The following NPHP1 variants were observed in gnomAD, a reference collection of about 807,000 sequenced individuals.
NPHP1 encodes the protein nephrocystin 1.
NPHP1 carries 70 observed loss-of-function variants against 90.4 expected under a neutral mutation model. The ratio of observed to expected loss-of-function variants is 0.77; its 90% CI spans 0.64 to 0.95. The LOEUF is 0.95. Ranked by LOEUF, NPHP1 falls within the 40% of genes least tolerant of loss-of-function variation. The probability of loss-of-function intolerance (pLI) is 0.00; values close to 1 mark genes in which losing one functional copy is unlikely to be tolerated. For missense variants in NPHP1, 764 were observed against 795.9 expected (o/e 0.96, Z 0.48); for synonymous variants, 256 against 271.7 (o/e 0.94, Z 0.57).
At chr2:110,190,467 T>G (rs1030329870) in intron 2 of NPHP1, among the ~76,000 whole-genome samples, 2 of 152,184 alleles carry the variant, frequency 1.3e-5, no homozygotes. Flanking sequence ...CCGGTGGGGC[T>G]GGCTGGCTGG....
In NPHP1 at chr2:110,123,625, TTTAAA is replaced by T. The variant is rs1229967017; in HGVS notation, c.*161_*165del. The T allele has an allele frequency of 7.9e-6, 5 of 636,022 alleles. No individual in the cohort carries two copies. The highest frequency in any genetic ancestry group is 5.5e-5 in the African/African-American group (3 of 54,674). The allele number at this position is 636,022 out of a possible 1,614,324, so 39.4% of individuals were successfully genotyped here. ...ATTTATTTTATGGTTTTAAAAAATA[TTTAAA>T]TTATTGTATAAACATTTCTTTAAAA... On this transcript the variant is annotated 3_prime_UTR_variant, in exon 20 of 20. Coordinates refer to ENST00000445609, the MANE Select transcript of NPHP1 (RefSeq NM_001128178.3).
At chr2:110,174,719 C>G (rs1038752534) in intron 4 of NPHP1, among the ~76,000 whole-genome samples, 1 of 151,776 alleles carries the variant, frequency 6.6e-6, no homozygotes. Context: ...CCAACTGAAG[C>G]TGAACATGGT....
At chr2:110,198,594 C>CA (rs913850183) in intron 2 of NPHP1, among the ~76,000 whole-genome samples, 3 of 151,914 alleles carry the variant, frequency 2.0e-5, no homozygotes, top group South Asian at 2.1e-4. Context: ...TCCCTAAAAA[C>CA]AAAAAAACAA....
intron 8 of NPHP1, chr2:110,163,908 G>C (rs1471982584): frequency 6.5e-6 from 1 of 154,058 alleles, no homozygotes; most frequent in African/African-American, 2.4e-5. Context: ...TGATCCACCC[G>C]CCTTGGCCTC....
intron 11 of NPHP1, among the ~76,000 whole-genome samples, chr2:110,158,384 G>C (rs145316308): frequency 2.0e-5 from 3 of 151,952 alleles, no homozygotes; most frequent in Admixed American, 2.0e-4. Flanking sequence ...ATATTACTGA[G>C]AGAGAAGTGT....
At chr2:110,185,484 G>A (rs780960884) in intron 2 of NPHP1, among the ~76,000 whole-genome samples, 7 of 152,246 alleles carry the variant, frequency 4.6e-5, no homozygotes, top group Middle Eastern at 3.4e-3. Context: ...AGGGAACTCC[G>A]TTTACTACCA....
chr2:110,176,341 C>T (rs1683505247), intron 4 of NPHP1, among the ~76,000 whole-genome samples: 1 of 151,958 alleles, frequency 6.6e-6, no homozygotes, highest in Non-Finnish European at 1.5e-5. Flanking sequence ...ACACCCATTT[C>T]CCATTTCATT....
Position 110,125,627 on chromosome 2 carries a change from CAT to C in NPHP1, c.1761+8_1761+9del. The C allele has an allele frequency of 6.2e-7, 1 of 1,610,326 alleles. No individual in the cohort carries two copies. ...AAATATGGAGTTCAGTGTGGAGACTCATATTTTACCTTCTCTGATCTTTTTAA... is the reference window on the plus strand; with the variant it reads ...AAATATGGAGTTCAGTGTGGAGACTCATTTTACCTTCTCTGATCTTTTTAA... On this transcript the variant is annotated splice_region_variant and intron_variant, in intron 19 of 19. Transcript: ENST00000445609.
chr2:110,197,438 T>C (rs549313015), intron 2 of NPHP1, among the ~76,000 whole-genome samples: 2 of 152,228 alleles, frequency 1.3e-5, no homozygotes, highest in East Asian at 1.9e-4. Flanking sequence ...ACCCTTCCTC[T>C]TTGCTGGCAG....
At chr2:110,163,373 C>T (rs1197906651) in intron 8 of NPHP1, 1 of 518,676 alleles carries the variant, frequency 1.9e-6, no homozygotes. Context: ...TGTTCCGGAG[C>T]AGCTGCTTCA....
intron 9 of NPHP1, among the ~76,000 whole-genome samples, chr2:110,162,101 T>C (rs941075319): frequency 3.3e-5 from 5 of 152,134 alleles, no homozygotes; most frequent in African/African-American, 1.2e-4. Flanking sequence ...TCATGAATAA[T>C]ACTTTTAATA....
intron 2 of NPHP1, among the ~76,000 whole-genome samples, chr2:110,183,147 C>T (rs868542234): frequency 5.9e-5 from 9 of 152,142 alleles, no homozygotes; most frequent in African/African-American, 1.7e-4. Flanking sequence ...GAAGAGACCC[C>T]GAAATCTGGC....
rs748212606 is a variant in NPHP1, at chr2:110,146,791, A to G, written c.1314T>C (p.Leu438=). ...GAACTCCACTGGCATCAAAAAGTTTAAGAAACACCCAGCCACAGCTTAACT... is the reference window on the plus strand; with the variant it reads ...GAACTCCACTGGCATCAAAAAGTTTGAGAAACACCCAGCCACAGCTTAACT... ...RGELSCGWVF[L]KLFDASGVPI... The change falls in exon 14 of 20, where the codon CTT becomes CTC. Residue 438 remains leucine, a synonymous_variant. Coordinates refer to ENST00000445609, the MANE Select transcript of NPHP1 (RefSeq NM_001128178.3). The G allele has an allele frequency of 1.9e-6, 3 of 1,613,694 alleles. No homozygotes were observed. The highest frequency in any genetic ancestry group is 3.3e-5 in the Admixed American group (2 of 60,018).
intron 1 of NPHP1, among the ~76,000 whole-genome samples, chr2:110,201,905 A>T (rs1462996862): frequency 6.6e-6 from 1 of 152,164 alleles, no homozygotes; most frequent in Non-Finnish European, 1.5e-5. Context: ...AACTACCATC[A>T]CCCTAGTAAG....
intron 17 of NPHP1, 68 bp from the exon 18 acceptor site, chr2:110,129,327 C>A: frequency 9.2e-7 from 1 of 1,090,028 alleles, no homozygotes; most frequent in Non-Finnish European, 1.4e-6. Flanking sequence ...GCAATAGACA[C>A]AAAAATATTC....
intron 4 of NPHP1, among the ~76,000 whole-genome samples, chr2:110,173,240 T>A (rs1683289273): frequency 6.6e-6 from 1 of 152,126 alleles, no homozygotes; most frequent in Non-Finnish European, 1.5e-5. Context: ...CCTGGCCACA[T>A]GCAGTGATTT....
intron 6 of NPHP1, among the ~76,000 whole-genome samples, chr2:110,165,368 A>C (rs1440917600): frequency 1.3e-5 from 2 of 152,174 alleles, no homozygotes; most frequent in African/African-American, 2.4e-5. Context: ...GTGGGAAATA[A>C]ATTTTCAACA....
intron 4 of NPHP1, among the ~76,000 whole-genome samples, chr2:110,175,638 T>C (rs1446071283): frequency 1.3e-5 from 2 of 152,090 alleles, no homozygotes; most frequent in Non-Finnish European, 2.9e-5. Flanking sequence ...AGATCTCCTA[T>C]TTATCTTTGG....
intron 4 of NPHP1, among the ~76,000 whole-genome samples, chr2:110,170,517 T>G (rs1394328139): frequency 6.6e-6 from 1 of 152,120 alleles, no homozygotes; most frequent in Non-Finnish European, 1.5e-5. Flanking sequence ...AAGCTTTCCA[T>G]AAAAGTCAGT....
Sources: gnomAD v4.1 joint callset for allele counts (sites outside exome capture counted in the v4.1 genomes callset) on GRCh38, gnomAD v4.1.1 for gene constraint, MANE v1.5 for transcripts, NCBI Gene and HGNC (gene_info 2026-07-23, HGNC 2026-07-21) for gene names.